DPH6: variants seen among roughly 807,000 people sequenced by gnomAD.
DPH6 encodes diphthamine biosynthesis 6, also known as diphthine--ammonia ligase.
In DPH6, 33 loss-of-function variants were observed where a neutral mutation model predicts 38.2. That is an observed-to-expected ratio of 0.86 (90% CI 0.65 to 1.15). The LOEUF (loss-of-function observed/expected upper bound fraction) is 1.15. Ranked by LOEUF, DPH6 falls within the 50% of genes most tolerant of loss-of-function variation. The pLI is 0.00. For missense variants in DPH6, 325 were observed against 320.0 expected (o/e 1.02, Z -0.12); for synonymous variants, 108 against 103.0 (o/e 1.05, Z -0.30).
At chr15:35,237,777 A>C in intron 3 of DPH6, 1 of 1,608,120 alleles carries the variant, frequency 6.2e-7, no homozygotes, top group Non-Finnish European at 8.5e-7. Context: ...TATGACCGGG[A>C]CGACAAGGAG....
intron 3 of DPH6, among the ~76,000 whole-genome samples, chr15:35,357,135 C>T (rs11636890): frequency 0.053 from 8,055 of 152,322 alleles, 289 homozygotes; most frequent in Non-Finnish European, 0.081. Flanking sequence ...GTTGGAGAAG[C>T]GCAGTATTAG....
intron 5 of DPH6, among the ~76,000 whole-genome samples, chr15:35,418,491 A>C (rs895953750): frequency 6.6e-6 from 1 of 152,114 alleles, no homozygotes; most frequent in African/African-American, 2.4e-5. Flanking sequence ...GAATAAACTC[A>C]CAAGACCTAG....
intron 3 of DPH6, among the ~76,000 whole-genome samples, chr15:35,288,532 G>A (rs931940721): frequency 4.0e-5 from 6 of 151,876 alleles, no homozygotes; most frequent in Non-Finnish European, 5.9e-5. Context: ...CTTCCTAACC[G>A]CTTCCTATTT....
the DPH6 span, among the ~76,000 whole-genome samples, chr15:35,192,879 G>A: frequency 4.0e-3 from 610 of 152,270 alleles, 3 homozygotes; most frequent in African/African-American, 0.014. Context: ...TGATGATAAG[G>A]AATGAACATA....
At chr15:35,498,109 A>T (rs1227011392) in intron 3 of DPH6, among the ~76,000 whole-genome samples, 1 of 152,184 alleles carries the variant, frequency 6.6e-6, no homozygotes. Context: ...AATAGTTGGC[A>T]CCTTCTCTCC....
intron 3 of DPH6, among the ~76,000 whole-genome samples, chr15:35,345,411 T>G (rs1225977114): frequency 6.6e-6 from 1 of 151,864 alleles, no homozygotes; most frequent in African/African-American, 2.4e-5. Context: ...TTCCATCATC[T>G]TTATCTTGTC....
chr15:35,334,613 T>C (rs2052353605), intron 3 of DPH6, among the ~76,000 whole-genome samples: 1 of 152,022 alleles, frequency 6.6e-6, no homozygotes, highest in South Asian at 2.1e-4. Flanking sequence ...TGTCCATGTG[T>C]TCTCATCATT....
chr15:35,287,882 T>A (rs2051954141), intron 3 of DPH6, among the ~76,000 whole-genome samples: 3 of 152,224 alleles, frequency 2.0e-5, no homozygotes, highest in Non-Finnish European at 4.4e-5. Context: ...ATTGAAATGA[T>A]AAATAACATA....
the DPH6 span, among the ~76,000 whole-genome samples, chr15:35,187,648 A>G: frequency 2.0e-5 from 3 of 152,160 alleles, no homozygotes; most frequent in Non-Finnish European, 4.4e-5. Context: ...ACAAGTTTAA[A>G]AGAAGGGAAT....
At chr15:35,390,746 AT>A (rs1416713684) in intron 6 of DPH6, among the ~76,000 whole-genome samples, 7 of 149,870 alleles carry the variant, frequency 4.7e-5, no homozygotes, top group East Asian at 2.0e-4. Flanking sequence ...GATTTGTCTA[AT>A]TTTTTTTCAA....
intron 6 of DPH6, among the ~76,000 whole-genome samples, chr15:35,402,206 T>G (rs1440201447): frequency 6.6e-6 from 1 of 152,326 alleles, no homozygotes; most frequent in Middle Eastern, 3.4e-3. Flanking sequence ...CAGGTTCTAT[T>G]TGGAATTTAT....
the DPH6 span, among the ~76,000 whole-genome samples, chr15:35,170,627 G>A: frequency 2.0e-5 from 3 of 152,254 alleles, no homozygotes; most frequent in East Asian, 3.9e-4. Context: ...TATAATGTGT[G>A]CATCATTATA....
rs541540210 is a variant in DPH6 at position 35,407,859 on chromosome 15, T to TCTCAC, written c.567+2971_567+2975dup. On this transcript the variant is annotated intron_variant, in intron 6 of 8. Coordinates refer to ENST00000256538, the MANE Select transcript of DPH6 (RefSeq NM_080650.4). ...TGGATAGGATGCTGATCGTACAGGG[T>TCTCAC]CTCACAAGTTGTGACCTCATAGCTG... Among the ~76,000 whole-genome samples, 6 of 152,098 alleles carry TCTCAC rather than the reference T, an allele frequency of 3.9e-5. No individual in the cohort carries two copies. In the South Asian group the frequency reaches 1.2e-3, roughly 32 times the overall value.
chr15:35,273,868 T>C (rs1199132339), intron 3 of DPH6, among the ~76,000 whole-genome samples: 2 of 152,228 alleles, frequency 1.3e-5, no homozygotes, highest in Non-Finnish European at 2.9e-5. Flanking sequence ...CCCATCAAGC[T>C]ACCAGTGACT....
downstream of DPH6, among the ~76,000 whole-genome samples, chr15:35,216,594 G>A (rs781160937): frequency 4.6e-5 from 7 of 152,142 alleles, no homozygotes; most frequent in Non-Finnish European, 1.0e-4. Flanking sequence ...GTTACATGTA[G>A]CATAAAACTA....
the DPH6 span, among the ~76,000 whole-genome samples, chr15:35,204,617 G>A: frequency 6.6e-6 from 1 of 151,614 alleles, no homozygotes; most frequent in Admixed American, 6.6e-5. Context: ...CCAAAACTCT[G>A]GATAAGAACT....
chr15:35,401,878 C>T, intron 6 of DPH6: 3 of 473,996 alleles, frequency 6.3e-6, no homozygotes, highest in Non-Finnish European at 1.2e-5. Context: ...GGTGGCAGGG[C>T]CTAGCTGCTA....
the DPH6 span, among the ~76,000 whole-genome samples, chr15:35,165,920 T>G: frequency 6.6e-6 from 1 of 151,978 alleles, no homozygotes; most frequent in Non-Finnish European, 1.5e-5. Flanking sequence ...TATGAAGTTT[T>G]AACTGTTATA....
intron 3 of DPH6, among the ~76,000 whole-genome samples, chr15:35,525,416 C>G (rs763213039): frequency 5.9e-5 from 9 of 152,124 alleles, no homozygotes; most frequent in Non-Finnish European, 1.2e-4. Context: ...GCATACTCGT[C>G]TGCTCTCAGG....
Sources: allele counts gnomAD v4.1 joint callset (sites outside exome capture counted in the v4.1 genomes callset), GRCh38; gene constraint gnomAD v4.1.1; transcripts MANE v1.5; gene names NCBI Gene and HGNC (gene_info 2026-07-23, HGNC 2026-07-21).